BMPR2: variants seen among roughly 807,000 people sequenced by gnomAD.
BMPR2 encodes bone morphogenetic protein receptor type-2.
BMPR2 carries 29 observed loss-of-function variants against 100.8 expected under a neutral mutation model. The ratio of observed to expected loss-of-function variants is 0.29; its 90% CI spans 0.21 to 0.39. The LOEUF (loss-of-function observed/expected upper bound fraction) is 0.39, where lower values mean the gene tolerates loss of function less well. Among genes scored for constraint, BMPR2 ranks in the 10% least tolerant of loss-of-function variants. BMPR2 has a pLI of 1.00. For missense variants in BMPR2, 1,011 were observed against 1,274.5 expected (o/e 0.79, Z 3.15); for synonymous variants, 382 against 442.3 (o/e 0.86, Z 1.71).
At chr2:202,466,206 T>C (rs917732405) in intron 2 of BMPR2, among the ~76,000 whole-genome samples, 1 of 152,240 alleles carries the variant, frequency 6.6e-6, no homozygotes, top group Non-Finnish European at 1.5e-5. Context: ...AAAATTTCCA[T>C]GTGGCTTTCT....
intron 1 of BMPR2, among the ~76,000 whole-genome samples, chr2:202,379,955 G>A (rs571483044): frequency 6.6e-5 from 10 of 152,028 alleles, no homozygotes; most frequent in East Asian, 3.9e-4. Context: ...CCTCCCAGGC[G>A]CAAGTGGTTC....
chr2:202,453,795 A>G (rs567318971), intron 1 of BMPR2, among the ~76,000 whole-genome samples: 2 of 152,350 alleles, frequency 1.3e-5, no homozygotes, highest in African/African-American at 4.8e-5. Context: ...AATTTATTGT[A>G]CATTAAAAAT....
At chr2:202,444,883 G>T (rs1691820475) in intron 1 of BMPR2, among the ~76,000 whole-genome samples, 1 of 150,630 alleles carries the variant, frequency 6.6e-6, no homozygotes, top group Non-Finnish European at 1.5e-5. Flanking sequence ...CCGCCTCCCG[G>T]GTTCAAGCAA....
chr2:202,477,130 A>G lies in BMPR2; in HGVS notation c.418+9441A>G, dbSNP rs1692566747. Among the ~76,000 whole-genome samples, 4 of 152,200 alleles carry G rather than the reference A, an allele frequency of 2.6e-5. No individual in the cohort carries two copies. In the South Asian group the frequency reaches 8.3e-4, roughly 31 times the overall value. Reference sequence around the variant, plus strand: ...CAGATTATTTAGCCTCTGTGCATCAATTACTTCATATGCAAAATAATAGTA... The same window carrying G: ...CAGATTATTTAGCCTCTGTGCATCAGTTACTTCATATGCAAAATAATAGTA... On this transcript the variant is annotated intron_variant, in intron 3 of 12. Transcript: ENST00000374580.
intron 1 of BMPR2, among the ~76,000 whole-genome samples, chr2:202,401,827 T>A (rs947201361): frequency 6.6e-6 from 1 of 152,182 alleles, no homozygotes; most frequent in African/African-American, 2.4e-5. Context: ...ATGATTTAAT[T>A]TTTGTTGTTG....
intron 10 of BMPR2, among the ~76,000 whole-genome samples, chr2:202,547,387 C>A (rs1368846679): frequency 6.6e-6 from 1 of 152,124 alleles, no homozygotes; most frequent in Non-Finnish European, 1.5e-5. Flanking sequence ...TCTTTTCTCT[C>A]CCCTGTTAAA....
chr2:202,444,828 TC>T (rs1487799278), intron 1 of BMPR2, among the ~76,000 whole-genome samples: 1 of 150,782 alleles, frequency 6.6e-6, no homozygotes, highest in Non-Finnish European at 1.5e-5. Flanking sequence ...CACCCTTGTT[TC>T]CCAGGCTGAA....
At chr2:202,549,045 T>A (rs1278481346) in intron 10 of BMPR2, among the ~76,000 whole-genome samples, 1 of 152,070 alleles carries the variant, frequency 6.6e-6, no homozygotes, top group Non-Finnish European at 1.5e-5. Flanking sequence ...ACTTTCTCTA[T>A]CCCCCATGAG....
intron 1 of BMPR2, among the ~76,000 whole-genome samples, chr2:202,464,573 C>T (rs545566682): frequency 2.6e-5 from 4 of 152,090 alleles, no homozygotes; most frequent in Admixed American, 1.3e-4. Context: ...AATTTGAGTA[C>T]GAGGGGATTG....
chr2:202,526,983 C>G (rs1304209093), intron 7 of BMPR2, among the ~76,000 whole-genome samples: 1 of 152,048 alleles, frequency 6.6e-6, no homozygotes, highest in African/African-American at 2.4e-5. Flanking sequence ...CCTGCCTCAG[C>G]CTCCCAAGTA....
intron 1 of BMPR2, among the ~76,000 whole-genome samples, chr2:202,450,846 A>C (rs112237496): frequency 1.2e-3 from 190 of 152,296 alleles, no homozygotes; most frequent in African/African-American, 4.4e-3. Flanking sequence ...CATATATTTC[A>C]TAACAGAATT....
intron 3 of BMPR2, among the ~76,000 whole-genome samples, chr2:202,511,180 C>G (rs747234069): frequency 2.0e-5 from 3 of 152,188 alleles, no homozygotes; most frequent in Admixed American, 6.5e-5. Flanking sequence ...CAGTCCCTGG[C>G]AACTACTAAC....
chr2:202,400,308 ATT>A (rs35517349), intron 1 of BMPR2, among the ~76,000 whole-genome samples: 243 of 130,544 alleles, frequency 1.9e-3, no homozygotes, highest in African/African-American at 5.4e-3. Context: ...TGCCAAGCTA[ATT>A]TTTTTTTTTT....
rs569587354 is a variant in BMPR2, at chr2:202,562,631, A to G, written c.*2685A>G. ...GTGGGGTCCTTTTGAATAAAAGATC[A>G]TTCAACTAAAAATATTAAAATTTAT... On this transcript the variant is annotated 3_prime_UTR_variant, in exon 13 of 13. Transcript: ENST00000374580. The G allele has an allele frequency of 6.6e-6, 1 of 152,364 alleles. No individual in the cohort carries two copies. The highest frequency in any genetic ancestry group is 2.4e-5 in the African/African-American group (1 of 41,578). 9.4% of individuals were successfully genotyped at this position (152,364 alleles called of 1,614,324 possible).
rs1688543889 is a variant in BMPR2 at position 202,555,242 on chromosome 2, T to C, written c.1587-10T>C. On this transcript the variant is annotated splice_polypyrimidine_tract_variant and intron_variant, in intron 11 of 12. Coordinates refer to ENST00000374580, the MANE Select transcript of BMPR2 (RefSeq NM_001204.7). ...CGTTCTCAATGTGATACTTTTTTTC[T>C]TTCTTTAAGCAACCTGTCACATAAT... 1 of 1,612,548 alleles carries C rather than the reference T, an allele frequency of 6.2e-7. No homozygotes were observed. The highest frequency in any genetic ancestry group is 8.5e-7 in the Non-Finnish European group (1 of 1,178,714).
chr2:202,567,185 T>G lies in BMPR2; in HGVS notation c.*7239T>G, dbSNP rs1559077911. On this transcript the variant is annotated 3_prime_UTR_variant, in exon 13 of 13. Coordinates refer to ENST00000374580, the MANE Select transcript of BMPR2 (RefSeq NM_001204.7). ...GGATAATTGTAAAATACACTAACTC[T>G]TAGGGTGTTGTAGTAGCTGAAACAT... The G allele has an allele frequency of 6.6e-6, 1 of 152,636 alleles. No homozygotes were observed. Among genetic ancestry groups the G allele is most frequent in the African/African-American group, 2.4e-5 (1 of 41,462 alleles). 9.5% of individuals were successfully genotyped at this position (152,636 alleles called of 1,614,324 possible).
intron 1 of BMPR2, among the ~76,000 whole-genome samples, chr2:202,457,567 G>C (rs768609200): frequency 1.9e-5 from 2 of 104,128 alleles, no homozygotes; most frequent in Non-Finnish European, 3.9e-5. Flanking sequence ...TATATAGAGA[G>C]AGAGAGAGAG....
In BMPR2 at chr2:202,467,528, C is replaced by A; in HGVS notation, c.257C>A (p.Ser86Tyr). 6.4e-7 allele frequency: 1 copy of A among 1,554,478 alleles called. No individual in the cohort carries two copies. The highest frequency in any genetic ancestry group is 1.1e-5 in the South Asian group (1 of 89,806). Reference sequence around the variant, plus strand: ...TCATATTGATTTATAGGATGTTGGTCTCACATTGGAGATCCCCAAGAGTGT... The same window carrying A: ...TCATATTGATTTATAGGATGTTGGTATCACATTGGAGATCCCCAAGAGTGT... ...DINLVKQGCW[S>Y]HIGDPQECHY... Residue 86 changes from serine to tyrosine, a missense_variant, in exon 3 of 13, where the codon TCT becomes TAT. Physicochemically the swap from Ser to Tyr is moderately radical, Grantham distance 144 (BLOSUM62 -2). Around this residue, in one of 6 missense-constraint regions of BMPR2, gnomAD observed 355 missense variants for 455.3 expected, o/e 0.78. Transcript: ENST00000374580.
intron 1 of BMPR2, among the ~76,000 whole-genome samples, chr2:202,435,206 A>T (rs1691590113): frequency 6.8e-6 from 1 of 146,038 alleles, no homozygotes; most frequent in Non-Finnish European, 1.5e-5. Flanking sequence ...CTGAAAAAAG[A>T]CAAAAAAATT....
Sources: allele counts gnomAD v4.1 joint callset (sites outside exome capture counted in the v4.1 genomes callset), GRCh38; gene constraint gnomAD v4.1.1; regional missense constraint gnomAD v4.1.1; transcripts MANE v1.5; gene names NCBI Gene and HGNC (gene_info 2026-07-23, HGNC 2026-07-21).